The following LRRC3B variants were observed in gnomAD, a reference collection of about 807,000 sequenced individuals.
LRRC3B encodes the protein leucine rich repeat containing 3B, also known as leucine-rich repeat-containing protein 3B.
Under a neutral mutation model 12.8 loss-of-function variants are expected in LRRC3B, and 2 were observed. The ratio of observed to expected loss-of-function variants is 0.16; its 90% confidence interval spans 0.06 to 0.49. The LOEUF is 0.49. Among genes scored for constraint, LRRC3B ranks in the 20% least tolerant of loss-of-function variants. The pLI, the probability that LRRC3B is intolerant of heterozygous loss-of-function variation, is 0.96. For missense variants in LRRC3B, 189 were observed against 319.4 expected (o/e 0.59, Z 3.11); for synonymous variants, 132 against 122.0 (o/e 1.08, Z -0.54).
At chr3:26,710,399 C>T (rs763729953) in exon 2 of LRRC3B, 2 of 1,613,704 alleles carry the variant, frequency 1.2e-6, no homozygotes, top group East Asian at 2.2e-5. Context: ...GAAATCCCTG[C>T]CAAGCAGGCA....
At chr3:26,680,839 A>G (rs1179579529) in intron 1 of LRRC3B, among the ~76,000 whole-genome samples, 1 of 152,224 alleles carries the variant, frequency 6.6e-6, no homozygotes, top group Non-Finnish European at 1.5e-5. Context: ...GCATATCCTA[A>G]AAGACAGATT....
intron 1 of LRRC3B, among the ~76,000 whole-genome samples, chr3:26,647,718 G>A (rs192606222): frequency 2.0e-4 from 31 of 152,166 alleles, no homozygotes; most frequent in Admixed American, 8.5e-4. Flanking sequence ...AATGAAACTC[G>A]GAGGAATTTG....
At chr3:26,664,999 G>A (rs1411882773) in intron 1 of LRRC3B, among the ~76,000 whole-genome samples, 1 of 151,698 alleles carries the variant, frequency 6.6e-6, no homozygotes, top group East Asian at 1.9e-4. Context: ...TAGGTGATAT[G>A]GATGCTGCTG....
chr3:26,639,393 T>A (rs1416477085), intron 1 of LRRC3B, among the ~76,000 whole-genome samples: 1 of 152,092 alleles, frequency 6.6e-6, no homozygotes, highest in Non-Finnish European at 1.5e-5. Flanking sequence ...TTAGAGTTGA[T>A]AAAATTTACA....
chr3:26,707,999 C>G (rs1700645374), intron 1 of LRRC3B, among the ~76,000 whole-genome samples: 1 of 152,206 alleles, frequency 6.6e-6, no homozygotes, highest in African/African-American at 2.4e-5. Flanking sequence ...TTGCTAATCT[C>G]ATTTTTTCCA....
At chr3:26,707,199 GAAAAAA>G (rs34703302) in intron 1 of LRRC3B, among the ~76,000 whole-genome samples, 1 of 129,988 alleles carries the variant, frequency 7.7e-6, no homozygotes, top group African/African-American at 3.1e-5. Context: ...TAAAAATACA[GAAAAAA>G]AAAAAAAAAA....
chr3:26,666,232 T>A (rs993542798), intron 1 of LRRC3B, among the ~76,000 whole-genome samples: 2 of 151,558 alleles, frequency 1.3e-5, no homozygotes, highest in African/African-American at 2.4e-5. Context: ...GAAAGCAGAG[T>A]AACCGCAAGG....
chr3:26,650,489 G>A (rs1298928421), intron 1 of LRRC3B, among the ~76,000 whole-genome samples: 1 of 152,196 alleles, frequency 6.6e-6, no homozygotes, highest in East Asian at 1.9e-4. Context: ...GGCAGACTGA[G>A]GTCAGAGCAG....
At chr3:26,684,150 A>G (rs914337281) in intron 1 of LRRC3B, among the ~76,000 whole-genome samples, 2 of 152,190 alleles carry the variant, frequency 1.3e-5, no homozygotes, top group East Asian at 3.9e-4. Context: ...TTTTTTAAAA[A>G]CAAAGTTGGG....
intron 1 of LRRC3B, among the ~76,000 whole-genome samples, chr3:26,671,274 C>G (rs1204036348): frequency 6.9e-6 from 1 of 145,464 alleles, no homozygotes; most frequent in Non-Finnish European, 1.5e-5. Flanking sequence ...CTCGGCCTCC[C>G]AAAGTGCTGG....
At chr3:26,709,102 T>C (rs779080604) in intron 1 of LRRC3B, among the ~76,000 whole-genome samples, 2 of 152,222 alleles carry the variant, frequency 1.3e-5, no homozygotes, top group South Asian at 4.1e-4. Flanking sequence ...CCATGAAATA[T>C]TGGTATTATT....
At chr3:26,643,003 G>T (rs931973681) in intron 1 of LRRC3B, among the ~76,000 whole-genome samples, 1 of 132,830 alleles carries the variant, frequency 7.5e-6, no homozygotes, top group Non-Finnish European at 1.5e-5. Flanking sequence ...GTGACAGAGC[G>T]AGACTCCGTT....
chr3:26,642,993 G>A (rs1699063167), intron 1 of LRRC3B, among the ~76,000 whole-genome samples: 1 of 150,704 alleles, frequency 6.6e-6, no homozygotes, highest in Non-Finnish European at 1.5e-5. Flanking sequence ...CTCCAGCCTG[G>A]TGACAGAGCG....
exon 2 of LRRC3B, chr3:26,710,038 C>T: frequency 6.2e-7 from 1 of 1,614,108 alleles, no homozygotes; most frequent in Non-Finnish European, 8.5e-7. Flanking sequence ...ACTTGTCCGA[C>T]AATCGGATTC....
intron 1 of LRRC3B, among the ~76,000 whole-genome samples, chr3:26,703,560 T>C (rs1429767694): frequency 6.6e-6 from 1 of 151,968 alleles, no homozygotes; most frequent in Non-Finnish European, 1.5e-5. Flanking sequence ...GCCTACATGA[T>C]TGGTTAGGGG....
At chr3:26,672,849 G>A (rs1025880282) in intron 1 of LRRC3B, among the ~76,000 whole-genome samples, 1 of 152,104 alleles carries the variant, frequency 6.6e-6, no homozygotes, top group African/African-American at 2.4e-5. Context: ...TCCATAGTAC[G>A]CTTTGTTTAA....
intron 1 of LRRC3B, among the ~76,000 whole-genome samples, chr3:26,645,993 C>T (rs1699135248): frequency 6.6e-6 from 1 of 152,180 alleles, no homozygotes; most frequent in Non-Finnish European, 1.5e-5. Context: ...GACTGTGGTC[C>T]ATTCCAAGTG....
At chr3:26,659,247 C>T (rs1699442929) in intron 1 of LRRC3B, among the ~76,000 whole-genome samples, 1 of 152,168 alleles carries the variant, frequency 6.6e-6, no homozygotes, top group Non-Finnish European at 1.5e-5. Flanking sequence ...AGTACGTTCC[C>T]TAAATCAGCA....
intron 1 of LRRC3B, among the ~76,000 whole-genome samples, chr3:26,648,255 T>C (rs1699193453): frequency 6.6e-6 from 1 of 152,116 alleles, no homozygotes; most frequent in Non-Finnish European, 1.5e-5. Context: ...TCATGATGTT[T>C]AGAAAGATGT....
Sources: gnomAD v4.1 joint callset for allele counts (sites outside exome capture counted in the v4.1 genomes callset) on GRCh38, gnomAD v4.1.1 for gene constraint, MANE v1.5 for transcripts, NCBI Gene and HGNC (gene_info 2026-07-23, HGNC 2026-07-21) for gene names.